The following INPP5A variants were observed in gnomAD, a reference collection of about 807,000 sequenced individuals.
The protein encoded by INPP5A is 43 kDa inositol polyphosphate 5-phophatase.
Under a neutral mutation model 65.2 loss-of-function variants are expected in INPP5A, and 14 were observed. That is an observed-to-expected ratio of 0.21 (90% CI 0.14 to 0.34). INPP5A has a LOEUF of 0.34. INPP5A is among the 10% of genes least tolerant of loss of function. The pLI, the probability that INPP5A is intolerant of heterozygous loss-of-function variation, is 1.00. For missense variants in INPP5A, 431 were observed against 545.6 expected (o/e 0.79, Z 2.09); for synonymous variants, 207 against 208.3 (o/e 0.99, Z 0.05).
chr10:132,613,046 C>G (rs2071980825), intron 2 of INPP5A, among the ~76,000 whole-genome samples: 1 of 152,212 alleles, frequency 6.6e-6, no homozygotes. Context: ...CTTGACAGAC[C>G]TCAGATCCAA....
At chr10:132,703,328 C>T (rs551388647) in intron 6 of INPP5A, among the ~76,000 whole-genome samples, 167 of 150,744 alleles carry the variant, frequency 1.1e-3, no homozygotes, top group African/African-American at 3.9e-3. Context: ...CCATGTTGAC[C>T]GCAGGTTTCT....
intron 4 of INPP5A, among the ~76,000 whole-genome samples, chr10:132,687,991 C>G (rs937912801): frequency 6.6e-6 from 1 of 152,212 alleles, no homozygotes; most frequent in Non-Finnish European, 1.5e-5. Flanking sequence ...ACACTGTTTT[C>G]TGGTGAGGTG....
chr10:132,590,510 C>T (rs1327183673), intron 1 of INPP5A, among the ~76,000 whole-genome samples: 1 of 152,166 alleles, frequency 6.6e-6, no homozygotes, highest in Non-Finnish European at 1.5e-5. Context: ...CAGGTGTGGA[C>T]ATTGCGACAC....
At chr10:132,715,267 C>T (rs1431001532) in intron 8 of INPP5A, among the ~76,000 whole-genome samples, 2 of 152,200 alleles carry the variant, frequency 1.3e-5, no homozygotes, top group Admixed American at 6.5e-5. Flanking sequence ...GTGGCCTGGG[C>T]TAGTTCAACA....
At position 132,603,110 on chromosome 10, in the gene INPP5A, T is replaced by C. The variant is rs1240103692; in HGVS notation, c.76-4805T>C. Among the ~76,000 whole-genome samples, 1 of 152,184 alleles carries C rather than the reference T, an allele frequency of 6.6e-6. No individual in the cohort carries two copies. The highest frequency in any genetic ancestry group is 2.4e-5 in the African/African-American group (1 of 41,432). ...CAATTAATGCCTCTTCCCTCAACAG[T>C]GTGAAATGCCTCAATCTCTCCTGCT... is the stretch of plus-strand genomic sequence containing the variant. On this transcript the variant is annotated intron_variant, in intron 1 of 15. Transcript: ENST00000368594. The surrounding 1 kb of genome is among the most constrained non-coding windows in gnomAD (Gnocchi z 4.2).
At chr10:132,716,237 AC>A (rs1845737597) in intron 8 of INPP5A, among the ~76,000 whole-genome samples, 1 of 152,036 alleles carries the variant, frequency 6.6e-6, no homozygotes, top group Non-Finnish European at 1.5e-5. Flanking sequence ...TCCATCCTGA[AC>A]CCCATCCTGG....
chr10:132,544,826 G>A (rs1311607363), intron 1 of INPP5A, among the ~76,000 whole-genome samples: 1 of 152,150 alleles, frequency 6.6e-6, no homozygotes, highest in Non-Finnish European at 1.5e-5. Flanking sequence ...ACGGCCGGCG[G>A]TGTTCTCTCT....
chr10:132,597,319 G>A (rs1320512376), intron 1 of INPP5A, among the ~76,000 whole-genome samples: 1 of 152,220 alleles, frequency 6.6e-6, no homozygotes, highest in Admixed American at 6.5e-5. Flanking sequence ...AGATGTGTCA[G>A]GGTGTCTGGA....
rs2070970223 is a variant in INPP5A, at chr10:132,546,260, G to T, written c.75+8089G>T. Among the ~76,000 whole-genome samples, 1 of 152,238 alleles carries T rather than the reference G, an allele frequency of 6.6e-6. No individual in the cohort carries two copies. The highest frequency in any genetic ancestry group is 6.5e-5 in the Admixed American group (1 of 15,288). Reference sequence around the variant, plus strand: ...CGGGGGTCTTGGCGTTGGCGCAGAAGTGGTTTCCCAGCGGCGTGCCCTGAG... The same window carrying T: ...CGGGGGTCTTGGCGTTGGCGCAGAATTGGTTTCCCAGCGGCGTGCCCTGAG... On this transcript the variant is annotated intron_variant, in intron 1 of 15. Coordinates refer to ENST00000368594, the MANE Select transcript of INPP5A (RefSeq NM_005539.5). This position sits in a 1 kb window ranked among gnomAD's most constrained non-coding sequence, Gnocchi z 5.7.
chr10:132,629,684 A>G (rs1480768950), intron 2 of INPP5A, among the ~76,000 whole-genome samples: 1 of 152,212 alleles, frequency 6.6e-6, no homozygotes, highest in Non-Finnish European at 1.5e-5. Flanking sequence ...AGTTCTCCAC[A>G]TGCATTCCAC....
chr10:132,738,879 G>T (rs574529015), intron 9 of INPP5A, among the ~76,000 whole-genome samples: 1 of 152,224 alleles, frequency 6.6e-6, no homozygotes. Context: ...GCAGGGCCTT[G>T]TGCCTGGCCC....
chr10:132,738,663 G>T (rs192119612), intron 9 of INPP5A, among the ~76,000 whole-genome samples: 1 of 152,246 alleles, frequency 6.6e-6, no homozygotes, highest in African/African-American at 2.4e-5. Context: ...CATTCCATGC[G>T]CGCTGTGTCC....
At position 132,628,463 on chromosome 10, in the gene INPP5A, CGGGGGG is replaced by C. The variant is rs55668291; in HGVS notation, c.118-17395_118-17390del. Among the ~76,000 whole-genome samples, 9 of 23,296 alleles carry C rather than the reference CGGGGGG, an allele frequency of 3.9e-4. 1 individual carries two copies. The highest frequency in any genetic ancestry group is 1.7e-3 in the Admixed American group (4 of 2,406). The allele number at this position is 23,296 out of a possible 152,430, so 15.3% of individuals were successfully genotyped here. The stretch of plus-strand genomic sequence containing the variant: ...TCTCCCTCCAGATGTGCTCTGGTGG[CGGGGGG>C]GGGGGGGGGCGTGGCGTGGGGGACA... On this transcript the variant is annotated intron_variant, in intron 2 of 15. Transcript: ENST00000368594.
chr10:132,757,813 G>A (rs948054380), intron 11 of INPP5A, among the ~76,000 whole-genome samples: 4 of 147,598 alleles, frequency 2.7e-5, no homozygotes, highest in East Asian at 2.0e-4. Flanking sequence ...GTGGGTGCCC[G>A]GCCGACCCCA....
rs927034962 is a variant in INPP5A at position 132,551,601 on chromosome 10, G to A, written c.75+13430G>A. ...ACTTGCTTTAATTTTCTCCATCACC[G>A]TTACGGTTTTTCAGAGCTGTTGCAA... On this transcript the variant is annotated intron_variant, in intron 1 of 15. Coordinates refer to ENST00000368594, the MANE Select transcript of INPP5A (RefSeq NM_005539.5). The surrounding 1 kb of genome is among the most constrained non-coding windows in gnomAD (Gnocchi z 5.3). Among the ~76,000 whole-genome samples the A allele has an allele frequency of 2.6e-5, 4 of 152,236 alleles. No individual in the cohort carries two copies. Among genetic ancestry groups the A allele is most frequent in the Admixed American group, 6.5e-5 (1 of 15,282 alleles).
intron 1 of INPP5A, among the ~76,000 whole-genome samples, chr10:132,593,481 T>C (rs1417705555): frequency 6.6e-6 from 1 of 152,266 alleles, no homozygotes; most frequent in African/African-American, 2.4e-5. Flanking sequence ...TTGTGTCATA[T>C]TCTCCTTCCT....
At chr10:132,694,242 A>G (rs1845312030) in intron 5 of INPP5A, among the ~76,000 whole-genome samples, 1 of 152,222 alleles carries the variant, frequency 6.6e-6, no homozygotes, top group Non-Finnish European at 1.5e-5. Flanking sequence ...AAAATCCCCA[A>G]ATACTTGAAC....
At chr10:132,686,178 T>A (rs1464070224) in intron 4 of INPP5A, among the ~76,000 whole-genome samples, 1 of 152,192 alleles carries the variant, frequency 6.6e-6, no homozygotes, top group African/African-American at 2.4e-5. Flanking sequence ...CCGCACCGGA[T>A]CGACTTTTCG....
At position 132,763,636 on chromosome 10, in the gene INPP5A, C is replaced by T. The variant is rs184968807; in HGVS notation, c.904-2137C>T. On this transcript the variant is annotated intron_variant, in intron 11 of 15. Transcript: ENST00000368594. ...ACACACATGCCTGTGCACACATAAA[C>T]ATGCCTGCATGCACACACACATGCC... is the stretch of plus-strand genomic sequence containing the variant. Among the ~76,000 whole-genome samples, 128 of 150,138 alleles carry T rather than the reference C, an allele frequency of 8.5e-4. 1 individual carries two copies. Among genetic ancestry groups the T allele is most frequent in the South Asian group, 2.1e-3 (10 of 4,686 alleles).
Sources: gnomAD v4.1 joint callset for allele counts (sites outside exome capture counted in the v4.1 genomes callset) on GRCh38, gnomAD v4.1.1 for gene constraint, Gnocchi (gnomAD v3.1) non-coding constraint, MANE v1.5 for transcripts, NCBI Gene and HGNC (gene_info 2026-07-23, HGNC 2026-07-21) for gene names.